Variants in FHIT observed in about 807,000 individuals in gnomAD.
The protein encoded by FHIT is fragile histidine triad diadenosine triphosphatase.
FHIT carries 19 observed loss-of-function variants against 17.9 expected under a neutral mutation model. The ratio of observed to expected loss-of-function variants is 1.06; its 90% CI spans 0.74 to 1.56. FHIT has a LOEUF of 1.56. Ranked by LOEUF, FHIT falls within the 40% of genes most tolerant of loss-of-function variation. FHIT has a pLI of 0.00. For synonymous variants in FHIT, 81 were observed against 69.7 expected (o/e 1.16, Z -0.81); for missense variants, 248 against 189.2 (o/e 1.31, Z -1.82).
At chr3:59,889,634 G>A (rs1328986340) in intron 8 of FHIT, among the ~76,000 whole-genome samples, 2 of 152,176 alleles carry the variant, frequency 1.3e-5, no homozygotes, top group Non-Finnish European at 2.9e-5. Context: ...ACTACAACGT[G>A]GTTGGAATGC....
intron 4 of FHIT, among the ~76,000 whole-genome samples, chr3:60,649,615 T>G (rs1226018509): frequency 5.9e-5 from 9 of 152,146 alleles, no homozygotes; most frequent in Admixed American, 4.6e-4. Context: ...ATAGTATTAC[T>G]GGATGTGTCA....
intron 5 of FHIT, among the ~76,000 whole-genome samples, chr3:60,190,692 C>T (rs1702361941): frequency 6.6e-6 from 1 of 151,944 alleles, no homozygotes; most frequent in African/African-American, 2.4e-5. Context: ...TGCAGCACAC[C>T]AGCATGGCAC....
chr3:60,156,983 G>C (rs1416089498), intron 5 of FHIT, among the ~76,000 whole-genome samples: 2 of 151,796 alleles, frequency 1.3e-5, no homozygotes, highest in Non-Finnish European at 2.9e-5. Context: ...CGACTCTTAT[G>C]ATTAAGATAT....
intron 5 of FHIT, among the ~76,000 whole-genome samples, chr3:60,295,354 A>G (rs1322140892): frequency 6.6e-6 from 1 of 152,168 alleles, no homozygotes; most frequent in East Asian, 1.9e-4. Context: ...TACAAGCAGC[A>G]TGATGCTAAC....
At chr3:61,157,332 T>C (rs1375936433) in intron 2 of FHIT, among the ~76,000 whole-genome samples, 2 of 152,100 alleles carry the variant, frequency 1.3e-5, no homozygotes, top group East Asian at 3.9e-4. Flanking sequence ...ATTATAAGCT[T>C]TGCGTTTTCA....
At chr3:61,055,630 A>G (rs1011175058) in intron 2 of FHIT, among the ~76,000 whole-genome samples, 10 of 152,182 alleles carry the variant, frequency 6.6e-5, no homozygotes, top group African/African-American at 2.4e-4. Flanking sequence ...TTCTGCATTC[A>G]TGCCAGATAC....
chr3:59,892,524 G>A (rs923243980), intron 8 of FHIT, among the ~76,000 whole-genome samples: 1 of 152,200 alleles, frequency 6.6e-6, no homozygotes, highest in African/African-American at 2.4e-5. Context: ...GAGGCTTAGT[G>A]TTATAGAGGT....
chr3:60,557,146 C>G (rs1472233258), intron 4 of FHIT, among the ~76,000 whole-genome samples: 1 of 152,140 alleles, frequency 6.6e-6, no homozygotes, highest in Non-Finnish European at 1.5e-5. Context: ...TCTCCAAAGC[C>G]TCTGAGGTAT....
intron 5 of FHIT, among the ~76,000 whole-genome samples, chr3:60,439,709 G>T (rs1334170775): frequency 3.3e-5 from 5 of 152,086 alleles, no homozygotes; most frequent in Admixed American, 3.3e-4. Flanking sequence ...ACCCTTGAGT[G>T]TCAAGAATCA....
At chr3:59,922,654 C>G (rs1705465291) in intron 7 of FHIT, among the ~76,000 whole-genome samples, 1 of 152,120 alleles carries the variant, frequency 6.6e-6, no homozygotes, top group African/African-American at 2.4e-5. Flanking sequence ...TAGAGTGTTT[C>G]AGAGTCTCTG....
intron 5 of FHIT, among the ~76,000 whole-genome samples, chr3:60,113,384 G>C (rs886812191): frequency 1.1e-4 from 17 of 150,704 alleles, no homozygotes; most frequent in Middle Eastern, 3.4e-3. Flanking sequence ...AGTTAGGCCA[G>C]CTTAGCAGTT....
intron 7 of FHIT, among the ~76,000 whole-genome samples, chr3:59,956,354 C>A (rs555447865): frequency 5.9e-5 from 9 of 152,168 alleles, no homozygotes; most frequent in Admixed American, 3.3e-4. Context: ...GGCAACGAAG[C>A]AAGACCTATT....
At chr3:60,830,486 A>G (rs1459823869) in intron 3 of FHIT, among the ~76,000 whole-genome samples, 1 of 152,184 alleles carries the variant, frequency 6.6e-6, no homozygotes, top group African/African-American at 2.4e-5. Context: ...CTTGTAACAA[A>G]ATATTTACCT....
intron 5 of FHIT, among the ~76,000 whole-genome samples, chr3:60,198,517 G>A (rs1010705644): frequency 7.3e-5 from 11 of 150,538 alleles, no homozygotes; most frequent in Non-Finnish European, 1.0e-4. Context: ...GGTGAGATAT[G>A]CAAGATAGCT....
At chr3:59,919,239 G>C (rs1456268751) in intron 8 of FHIT, among the ~76,000 whole-genome samples, 2 of 152,174 alleles carry the variant, frequency 1.3e-5, no homozygotes, top group Non-Finnish European at 2.9e-5. Context: ...TTGTGGCCAT[G>C]TGCTCTGTGC....
chr3:60,115,433 C>G (rs1704912956), intron 5 of FHIT, among the ~76,000 whole-genome samples: 1 of 152,106 alleles, frequency 6.6e-6, no homozygotes, highest in South Asian at 2.1e-4. Context: ...ATTCAATTAA[C>G]TACGATTTTA....
At chr3:60,147,575 C>T (rs925786325) in intron 5 of FHIT, among the ~76,000 whole-genome samples, 2 of 152,160 alleles carry the variant, frequency 1.3e-5, no homozygotes, top group African/African-American at 4.8e-5. Flanking sequence ...ATAGGTCTTT[C>T]ACTGCTTGGT....
chr3:59,832,291 C>T (rs548645069), intron 8 of FHIT, among the ~76,000 whole-genome samples: 1 of 152,258 alleles, frequency 6.6e-6, no homozygotes, highest in African/African-American at 2.4e-5. Context: ...AATCATTTCT[C>T]AACCATTGAG....
At chr3:59,968,894 C>T (rs1708053815) in intron 7 of FHIT, among the ~76,000 whole-genome samples, 5 of 152,132 alleles carry the variant, frequency 3.3e-5, no homozygotes, top group African/African-American at 9.7e-5. Flanking sequence ...GCCAATGCAG[C>T]CTGTGGCAGT....
Sources: allele counts gnomAD v4.1 joint callset (sites outside exome capture counted in the v4.1 genomes callset), GRCh38; gene constraint gnomAD v4.1.1; transcripts MANE v1.5; gene names NCBI Gene and HGNC (gene_info 2026-07-23, HGNC 2026-07-21).